TRPM2: variants seen among roughly 807,000 people sequenced by gnomAD.
TRPM2 encodes estrogen-responsive element-associated gene 1 protein.
A neutral mutation model predicts 174.0 loss-of-function variants in TRPM2; 161 were observed. The observed-to-expected ratio is 0.93, with a 90% CI of 0.81 to 1.05. The LOEUF is 1.05. Ranked by LOEUF, TRPM2 falls within the 50% of genes least tolerant of loss-of-function variation. TRPM2 has a pLI of 0.00. For synonymous variants in TRPM2, 954 were observed against 861.3 expected, an observed-to-expected ratio of 1.11 and a Z score of -1.88; for missense variants, 2,057 against 2,038.0, an observed-to-expected ratio of 1.01 and a Z score of -0.18.
intron 8 of TRPM2, among the ~76,000 whole-genome samples, 163 bp downstream of exon 8, chr21:44,379,360 C>T (rs972714886): frequency 6.6e-6 from 1 of 152,204 alleles, no homozygotes; most frequent in African/African-American, 2.4e-5. Flanking sequence ...TGGTAAACCT[C>T]CTGGCTGGGT....
chr21:44,364,381 T>C (rs2146144089), intron 3 of TRPM2, 99 bp downstream of exon 3: 2 of 1,452,490 alleles, frequency 1.4e-6, no homozygotes, highest in East Asian at 4.5e-5. Context: ...AGCAGGAGGC[T>C]GGCAAAGCTC....
rs139326468 is a variant in TRPM2, at chr21:44,408,236, C to T, written c.2962+1471C>T. On this transcript the variant is annotated intron_variant, in intron 19 of 31. Transcript: ENST00000397928. ...TGCTGGGATGACAGGTGTGAGCTACCGCGCAGGGCCGTTTCCACTTTTCAC... is the reference window on the plus strand; with the variant it reads ...TGCTGGGATGACAGGTGTGAGCTACTGCGCAGGGCCGTTTCCACTTTTCAC... Among the ~76,000 whole-genome samples, 614 of 152,160 alleles carry T rather than the reference C, an allele frequency of 4.0e-3. 1 individual carries two copies. The highest frequency in any genetic ancestry group is 0.014 in the African/African-American group (567 of 41,528).
chr21:44,436,991 G>T lies in TRPM2; in HGVS notation c.4062-71G>T, dbSNP rs944515699. 1.1e-5 allele frequency: 16 copies of T among 1,414,896 alleles called. No homozygotes were observed. The African/African-American group carries it at 1.9e-4, about 16-fold the overall frequency. 87.6% of individuals were successfully genotyped at this position (1,414,896 alleles called of 1,614,324 possible). A position where few individuals can be genotyped will look rare whatever the true frequency, so the allele number is the denominator to read the frequency against. On this transcript the variant is annotated intron_variant, in intron 28 of 31. Transcript: ENST00000397928. ...CACTGCCCCGCCCCAGGCAGGGCCA[G>T]CCCCGCCGCGGCGCAGGGGAGGGTG...
intron 19 of TRPM2, among the ~76,000 whole-genome samples, chr21:44,410,061 T>A (rs2050048632): frequency 6.6e-6 from 1 of 151,318 alleles, no homozygotes; most frequent in Non-Finnish European, 1.5e-5. Context: ...GATCGCGCTG[T>A]CTTGGTGAGC....
rs2048690916 is a variant in TRPM2 at position 44,376,080 on chromosome 21, C to T, written c.952+67C>T. 4.5e-6 allele frequency: 7 copies of T among 1,556,080 alleles called. No homozygotes were observed. Among genetic ancestry groups the T allele is most frequent in the Non-Finnish European group, 6.1e-6 (7 of 1,144,268 alleles). On this transcript the variant is annotated intron_variant, in intron 6 of 31. Coordinates refer to ENST00000397928, the MANE Select transcript of TRPM2 (RefSeq NM_003307.4). The surrounding 1 kb of genome is among the most constrained non-coding windows in gnomAD (Gnocchi z 4.2). The stretch of plus-strand genomic sequence containing the variant: ...AGTGGGCTGGTCAGAGTGTCAGGTA[C>T]AGCTGGTCACGACCAGGACGTTCAA...
At chr21:44,422,286 TG>T (rs1232875388) in intron 22 of TRPM2, 5 of 1,535,864 alleles carry the variant, frequency 3.3e-6, no homozygotes, top group Non-Finnish European at 4.4e-6. Flanking sequence ...GCTGGAGCTT[TG>T]GGGGTCAAGG....
intron 3 of TRPM2, among the ~76,000 whole-genome samples, chr21:44,365,010 C>T (rs1027281621): frequency 6.7e-6 from 1 of 148,860 alleles, no homozygotes; most frequent in African/African-American, 2.5e-5. Flanking sequence ...GCGTGTTGAC[C>T]AGCCTTTTGG....
At chr21:44,377,600 G>GC in intron 6 of TRPM2, 112 bp from the exon 7 acceptor site, 11 of 1,421,572 alleles carry the variant, frequency 7.7e-6, no homozygotes, top group East Asian at 2.4e-5. Flanking sequence ...GCAGGGTCTT[G>GC]CCCCCCACCT....
intron 27 of TRPM2, among the ~76,000 whole-genome samples, chr21:44,431,756 G>A (rs148319910): frequency 4.1e-4 from 63 of 152,340 alleles, no homozygotes; most frequent in Middle Eastern, 3.4e-3. Flanking sequence ...GATTACGGGC[G>A]TGAGCCACTA....
At chr21:44,428,256 A>G (rs1296558146) in intron 27 of TRPM2, among the ~76,000 whole-genome samples, 1 of 152,144 alleles carries the variant, frequency 6.6e-6, no homozygotes, top group Admixed American at 6.5e-5. Context: ...AGACTTTAAT[A>G]CAGCTGAAGG....
rs547823379 is a variant in TRPM2, at chr21:44,391,107, G to T, written c.1440+82G>T. The T allele has an allele frequency of 1.2e-5, 19 of 1,595,610 alleles. No homozygotes were observed. The highest frequency in any genetic ancestry group is 4.5e-5 in the South Asian group (4 of 89,168). ...ACTGAAGCAAGGGCAGGCAAAGTTCGCATTGTCTGGATCCCAGCCCTTCCC... is the reference window on the plus strand; with the variant it reads ...ACTGAAGCAAGGGCAGGCAAAGTTCTCATTGTCTGGATCCCAGCCCTTCCC... On this transcript the variant is annotated intron_variant, in intron 10 of 31. Coordinates refer to ENST00000397928, the MANE Select transcript of TRPM2 (RefSeq NM_003307.4). This position sits in a 1 kb window ranked among gnomAD's most constrained non-coding sequence, Gnocchi z 5.0.
intron 16 of TRPM2, among the ~76,000 whole-genome samples, chr21:44,402,425 A>C (rs1158550896): frequency 6.6e-6 from 1 of 151,986 alleles, no homozygotes; most frequent in Non-Finnish European, 1.5e-5. Flanking sequence ...TGTGGGTGGC[A>C]CTCCATCCTC....
chr21:44,360,483 C>T (rs2048179525), intron 2 of TRPM2, among the ~76,000 whole-genome samples: 1 of 152,148 alleles, frequency 6.6e-6, no homozygotes. Flanking sequence ...CCACGGTTCC[C>T]CCTGTGGCTA....
intron 19 of TRPM2, among the ~76,000 whole-genome samples, chr21:44,411,471 T>C (rs2050104032): frequency 6.6e-6 from 1 of 152,194 alleles, no homozygotes; most frequent in African/African-American, 2.4e-5. Flanking sequence ...TAAACTTCTT[T>C]ATTACTTTTA....
In TRPM2 at chr21:44,376,121, GC is replaced by G; in HGVS notation, c.952+109del. On this transcript the variant is annotated intron_variant, in intron 6 of 31. Coordinates refer to ENST00000397928, the MANE Select transcript of TRPM2 (RefSeq NM_003307.4). The surrounding 1 kb of genome is among the most constrained non-coding windows in gnomAD (Gnocchi z 4.2). ...GGACGTTCAACAGGCCTGGCGTTTG[GC>G]AGAGAGTGCAGTGGGCTGGTCAGAG... 7.5e-6 allele frequency: 10 copies of G among 1,329,154 alleles called. No individual in the cohort carries two copies. Among genetic ancestry groups the G allele is most frequent in the Non-Finnish European group, 1.0e-5 (10 of 969,276 alleles). 82.3% of individuals were successfully genotyped at this position (1,329,154 alleles called of 1,614,324 possible). A position where few individuals can be genotyped will look rare whatever the true frequency, so the allele number is the denominator to read the frequency against.
In TRPM2 at chr21:44,367,667, G is replaced by A. The variant is rs1019650493; in HGVS notation, c.604+733G>A. Among the ~76,000 whole-genome samples the A allele has an allele frequency of 6.6e-6, 1 of 152,214 alleles. No individual in the cohort carries two copies. Among genetic ancestry groups the A allele is most frequent in the Admixed American group, 6.5e-5 (1 of 15,278 alleles). On this transcript the variant is annotated intron_variant, in intron 4 of 31. Coordinates refer to ENST00000397928, the MANE Select transcript of TRPM2 (RefSeq NM_003307.4). This position sits in a 1 kb window ranked among gnomAD's most constrained non-coding sequence, Gnocchi z 4.6. Reference sequence around the variant, plus strand: ...AGTGAGGCCCTGAGGTGACTACTTGGCAATGTTGCGTCCGGATGGGCCTAG... The same window carrying A: ...AGTGAGGCCCTGAGGTGACTACTTGACAATGTTGCGTCCGGATGGGCCTAG...
chr21:44,385,771 G>A (rs1050821788), intron 9 of TRPM2, among the ~76,000 whole-genome samples: 1 of 152,184 alleles, frequency 6.6e-6, no homozygotes, highest in Non-Finnish European at 1.5e-5. Flanking sequence ...GGGAAGAAAG[G>A]CACTGTCTTC....
At chr21:44,363,643 C>T (rs375991816) in intron 2 of TRPM2, among the ~76,000 whole-genome samples, 40 of 152,292 alleles carry the variant, frequency 2.6e-4, no homozygotes, top group African/African-American at 9.4e-4. Flanking sequence ...TCAGATAATT[C>T]TAACATCTGT....
chr21:44,423,785 G>A, intron 23 of TRPM2, 53 bp downstream of exon 23: 1 of 1,461,396 alleles, frequency 6.8e-7, no homozygotes, highest in Non-Finnish European at 9.4e-7. Flanking sequence ...GGGCCTGGTG[G>A]GCGGCTCTGC....
Sources: gnomAD v4.1 joint callset for allele counts (sites outside exome capture counted in the v4.1 genomes callset) on GRCh38, gnomAD v4.1.1 for gene constraint, Gnocchi (gnomAD v3.1) non-coding constraint, MANE v1.5 for transcripts, NCBI Gene and HGNC (gene_info 2026-07-23, HGNC 2026-07-21) for gene names.